The following CPXM2 variants were observed in gnomAD, a reference collection of about 807,000 sequenced individuals.
CPXM2 encodes the protein carboxypeptidase X, M14 family member 2.
Under a neutral mutation model 86.1 loss-of-function variants are expected in CPXM2, and 66 were observed. The observed-to-expected ratio is 0.77, with a 90% CI of 0.63 to 0.94. The LOEUF is 0.94. CPXM2 is among the 40% of genes least tolerant of loss of function. CPXM2 has a pLI of 0.00. For synonymous variants in CPXM2, 388 were observed against 400.2 expected (o/e 0.97, Z 0.36); for missense variants, 948 against 1,026.3 (o/e 0.92, Z 1.04).
At chr10:123,863,424 G>A (rs1848902219) in intron 2 of CPXM2, among the ~76,000 whole-genome samples, 1 of 152,162 alleles carries the variant, frequency 6.6e-6, no homozygotes, top group Non-Finnish European at 1.5e-5. Context: ...TCCCCGCATT[G>A]AGGGGGTTTG....
At chr10:123,827,119 C>T (rs1271492789) in intron 4 of CPXM2, among the ~76,000 whole-genome samples, 4 of 152,066 alleles carry the variant, frequency 2.6e-5, no homozygotes, top group Admixed American at 2.6e-4. Context: ...TATTTTAGGC[C>T]TCAGAAGAAA....
At chr10:123,840,229 T>C (rs1291937446) in intron 4 of CPXM2, among the ~76,000 whole-genome samples, 2 of 152,218 alleles carry the variant, frequency 1.3e-5, no homozygotes, top group Non-Finnish European at 2.9e-5. Context: ...AATTCTTGCC[T>C]TTCAGAATAT....
intron 6 of CPXM2, among the ~76,000 whole-genome samples, chr10:123,795,080 T>C (rs895182645): frequency 1.5e-4 from 23 of 152,154 alleles, no homozygotes; most frequent in African/African-American, 5.6e-4. Context: ...AAATTATTTT[T>C]AATTGTGGAA....
chr10:123,876,547 A>G (rs7907116), intron 2 of CPXM2, among the ~76,000 whole-genome samples: 6,145 of 152,322 alleles, frequency 0.04, 169 homozygotes, highest in East Asian at 0.11. Context: ...ACTATAGCCC[A>G]TGTAAAGGTC....
intron 12 of CPXM2, among the ~76,000 whole-genome samples, chr10:123,756,670 A>G (rs1035461678): frequency 1.3e-5 from 2 of 151,968 alleles, no homozygotes; most frequent in African/African-American, 4.8e-5. Flanking sequence ...GAGGTAATTA[A>G]GGGAAAAGGA....
upstream of CPXM2, among the ~76,000 whole-genome samples, chr10:123,892,664 T>C (rs1945294649): frequency 1.3e-5 from 2 of 152,224 alleles, no homozygotes. Context: ...AGAAGGCTGA[T>C]GCGAGTGTCA....
intron 4 of CPXM2, among the ~76,000 whole-genome samples, chr10:123,813,128 CT>C (rs1238517115): frequency 2.6e-5 from 4 of 152,190 alleles, no homozygotes; most frequent in African/African-American, 9.7e-5. Flanking sequence ...ACATTCATCT[CT>C]TAAAGATGTT....
At chr10:123,912,036 C>T (rs1199736254) in intron 2 of CPXM2, among the ~76,000 whole-genome samples, 1 of 152,074 alleles carries the variant, frequency 6.6e-6, no homozygotes, top group East Asian at 1.9e-4. Context: ...AAGCGGGTGA[C>T]TTGCGGAACC....
At chr10:123,822,759 T>C (rs1847956191) in intron 4 of CPXM2, among the ~76,000 whole-genome samples, 1 of 150,686 alleles carries the variant, frequency 6.6e-6, no homozygotes, top group Non-Finnish European at 1.5e-5. Context: ...AATAGAATTT[T>C]CCAGAATTGA....
At chr10:123,751,423 A>G in intron 13 of CPXM2, 1 of 834,590 alleles carries the variant, frequency 1.2e-6, no homozygotes, top group Non-Finnish European at 1.4e-6. Context: ...AGTTTTGCAA[A>G]ACGTCCTGAC....
At chr10:123,883,036 A>G (rs1391677779) in intron 1 of CPXM2, among the ~76,000 whole-genome samples, 1 of 151,636 alleles carries the variant, frequency 6.6e-6, no homozygotes, top group Non-Finnish European at 1.5e-5. Flanking sequence ...CAGACTCCAC[A>G]CCACGGCCCT....
At chr10:123,908,428 ATCAC>A (rs771842385) in intron 2 of CPXM2, among the ~76,000 whole-genome samples, 3 of 152,164 alleles carry the variant, frequency 2.0e-5, no homozygotes, top group Non-Finnish European at 4.4e-5. Flanking sequence ...TCTTCATTCG[ATCAC>A]TCAATCAGAA....
Position 123,865,604 on chromosome 10 carries a change from C to T in CPXM2, c.404-2881G>A, listed in dbSNP as rs1848957929. Among the ~76,000 whole-genome samples, 1 of 152,188 alleles carries T rather than the reference C, an allele frequency of 6.6e-6. No homozygotes were observed. ...AGTTTCCACTCAACCTCACGCATGC[C>T]TCCAGAGAGGGCCTGACTCACCTGG... On this transcript the variant is annotated intron_variant, in intron 2 of 13. Coordinates refer to ENST00000241305, the MANE Select transcript of CPXM2 (RefSeq NM_198148.3). This position sits in a 1 kb window ranked among gnomAD's most constrained non-coding sequence, Gnocchi z 4.7.
rs564865900 is a variant in CPXM2, at chr10:123,784,883, T to A, written c.890-4628A>T. Among the ~76,000 whole-genome samples the A allele has an allele frequency of 1.2e-4, 18 of 152,348 alleles. No individual in the cohort carries two copies. The South Asian group carries it at 3.7e-3, about 32-fold the overall frequency. ...CTGGAAGAAGGAAACATAAGGCCGA[T>A]TCATACTGACTTCCTAGAACTAAAT... is the stretch of plus-strand genomic sequence containing the variant. On this transcript the variant is annotated intron_variant, in intron 6 of 13. Coordinates refer to ENST00000241305, the MANE Select transcript of CPXM2 (RefSeq NM_198148.3).
chr10:123,783,559 G>A (rs1351532705), intron 6 of CPXM2, among the ~76,000 whole-genome samples: 1 of 152,182 alleles, frequency 6.6e-6, no homozygotes, highest in African/African-American at 2.4e-5. Context: ...TGGAGGGTAG[G>A]ATGTGAGTGG....
At chr10:123,853,278 G>GA (rs1253867311) in intron 3 of CPXM2, among the ~76,000 whole-genome samples, 2 of 152,202 alleles carry the variant, frequency 1.3e-5, no homozygotes, top group African/African-American at 4.8e-5. Context: ...GTGAGCCAAT[G>GA]AAACCTCTTT....
intron 3 of CPXM2, among the ~76,000 whole-genome samples, chr10:123,858,382 G>A (rs991551927): frequency 1.3e-5 from 2 of 152,202 alleles, no homozygotes; most frequent in Non-Finnish European, 2.9e-5. Context: ...ATTTGGCGAG[G>A]GTGCAGATGA....
intron 2 of CPXM2, among the ~76,000 whole-genome samples, chr10:123,878,181 G>A (rs377592666): frequency 2.0e-5 from 3 of 151,950 alleles, no homozygotes; most frequent in East Asian, 1.9e-4. Context: ...CGTTCCTAAC[G>A]GCCACGCCAC....
At chr10:123,796,857 C>T (rs1165498820) in intron 6 of CPXM2, among the ~76,000 whole-genome samples, 4 of 152,194 alleles carry the variant, frequency 2.6e-5, no homozygotes, top group Admixed American at 1.3e-4. Context: ...CATGTCCCCA[C>T]AGCCTGACTG....
Sources: gnomAD v4.1 joint callset for allele counts (sites outside exome capture counted in the v4.1 genomes callset) on GRCh38, gnomAD v4.1.1 for gene constraint, Gnocchi (gnomAD v3.1) non-coding constraint, MANE v1.5 for transcripts, NCBI Gene and HGNC (gene_info 2026-07-23, HGNC 2026-07-21) for gene names.